INSL6: variants seen among roughly 807,000 people sequenced by gnomAD.
INSL6 encodes insulin-like peptide INSL6.
Under a neutral mutation model 9.4 loss-of-function variants are expected in INSL6, and 16 were observed. The ratio of observed to expected loss-of-function variants is 1.70; its 90% CI spans 1.15 to 2.59. INSL6 has a LOEUF of 2.59. Among genes scored for constraint, INSL6 ranks in the 30% most tolerant of loss-of-function variants. The probability of loss-of-function intolerance (pLI) is 0.00; values close to 1 mark genes in which losing one functional copy is unlikely to be tolerated. For synonymous variants in INSL6, 154 were observed against 96.9 expected (o/e 1.59, Z -3.46); for missense variants, 391 against 257.3 (o/e 1.52, Z -3.56).
chr9:5,037,934 T>C, the INSL6 span, among the ~76,000 whole-genome samples: 1 of 152,240 alleles, frequency 6.6e-6, no homozygotes, highest in African/African-American at 2.4e-5. Flanking sequence ...CTTGTAAGTA[T>C]GAAATTTAAA....
chr9:5,024,070 T>C, the INSL6 span, among the ~76,000 whole-genome samples: 5 of 151,998 alleles, frequency 3.3e-5, no homozygotes, highest in South Asian at 1.0e-3. Flanking sequence ...TCCTGGCTAA[T>C]ATGGTGAAAC....
At chr9:5,055,142 G>A in the INSL6 span, among the ~76,000 whole-genome samples, 5 of 151,902 alleles carry the variant, frequency 3.3e-5, no homozygotes, top group Non-Finnish European at 2.9e-5. Flanking sequence ...AATTCTAAAA[G>A]TGATTTTAAA....
At chr9:5,123,539 T>C (rs1051805844), downstream of INSL6, among the ~76,000 whole-genome samples, 1 of 151,994 alleles carries the variant, frequency 6.6e-6, no homozygotes, top group Non-Finnish European at 1.5e-5. Flanking sequence ...ATTTTCTTTA[T>C]CCAGTCATCC....
intron 2 of INSL6, among the ~76,000 whole-genome samples, chr9:5,154,118 A>G (rs912102350): frequency 4.0e-5 from 6 of 151,806 alleles, no homozygotes; most frequent in African/African-American, 1.5e-4. Flanking sequence ...GTGGTACCAA[A>G]ACAGAGATAC....
At chr9:5,112,131 C>G in the INSL6 span, 227 of 315,622 alleles carry the variant, frequency 7.2e-4, no homozygotes, top group Non-Finnish European at 1.3e-3. Context: ...GCAGCCACGC[C>G]ATGGGCACGG....
At chr9:5,179,179 A>G (rs762094017) in intron 1 of INSL6, among the ~76,000 whole-genome samples, 1 of 152,138 alleles carries the variant, frequency 6.6e-6, no homozygotes, top group Non-Finnish European at 1.5e-5. Context: ...GAAAAAAACA[A>G]CCCCATTAAA....
At chr9:5,027,316 T>C in the INSL6 span, among the ~76,000 whole-genome samples, 3 of 152,228 alleles carry the variant, frequency 2.0e-5, no homozygotes, top group Non-Finnish European at 4.4e-5. Flanking sequence ...AAAAGTTATG[T>C]TTAAATTATT....
At chr9:5,096,756 A>G in the INSL6 span, 2 of 152,106 alleles carry the variant, frequency 1.3e-5, no homozygotes, top group African/African-American at 4.8e-5. Flanking sequence ...GATAGTGGGT[A>G]CCTCCTTAAG....
chr9:5,178,885 T>G (rs933900320), intron 1 of INSL6, among the ~76,000 whole-genome samples: 3 of 152,044 alleles, frequency 2.0e-5, no homozygotes, highest in Non-Finnish European at 4.4e-5. Context: ...AAGACTTATG[T>G]AAAACCCAAA....
At chr9:5,079,828 A>T in the INSL6 span, among the ~76,000 whole-genome samples, 35,128 of 149,394 alleles carry the variant, frequency 0.24, 4,397 homozygotes, top group South Asian at 0.31. Context: ...CAAAAAAAAA[A>T]TTTTTTTTTT....
downstream of INSL6, chr9:5,122,965 C>G (rs2130852878): frequency 7.7e-7 from 1 of 1,301,026 alleles, no homozygotes; most frequent in Middle Eastern, 1.9e-4. Context: ...GTCCACATAT[C>G]AAGTAACTGT....
intron 2 of INSL6, among the ~76,000 whole-genome samples, chr9:5,151,552 C>T (rs1026411887): frequency 1.3e-5 from 2 of 152,038 alleles, no homozygotes; most frequent in Non-Finnish European, 2.9e-5. Flanking sequence ...TTGTAAAGGT[C>T]TTAAACTGCC....
intron 3 of INSL6, chr9:5,126,476 C>G: frequency 7.0e-7 from 1 of 1,423,620 alleles, no homozygotes; most frequent in Middle Eastern, 1.8e-4. Context: ...CCAGGGTAGT[C>G]ATGCATTTTC....
intron 1 of INSL6, among the ~76,000 whole-genome samples, chr9:5,176,124 AACC>A (rs1375375574): frequency 6.6e-6 from 1 of 152,114 alleles, no homozygotes; most frequent in African/African-American, 2.4e-5. Flanking sequence ...TCTCTGCTCC[AACC>A]ACATTTGGAC....
At chr9:5,016,007 G>A in the INSL6 span, among the ~76,000 whole-genome samples, 1 of 152,340 alleles carries the variant, frequency 6.6e-6, no homozygotes, top group East Asian at 1.9e-4. Flanking sequence ...TGGGTTTCCT[G>A]TACAGAAGTA....
At chr9:5,051,288 A>G in the INSL6 span, among the ~76,000 whole-genome samples, 1 of 152,158 alleles carries the variant, frequency 6.6e-6, no homozygotes, top group Non-Finnish European at 1.5e-5. Flanking sequence ...ATTTATTCTG[A>G]GAAGGCTAGG....
At chr9:5,007,785 T>C in the INSL6 span, among the ~76,000 whole-genome samples, 3 of 151,912 alleles carry the variant, frequency 2.0e-5, no homozygotes, top group African/African-American at 7.3e-5. Flanking sequence ...AGTGGTGTGA[T>C]ATCTGAGCCT....
the INSL6 span, chr9:5,089,836 A>C: frequency 6.3e-7 from 1 of 1,582,976 alleles, no homozygotes; most frequent in South Asian, 1.2e-5. Flanking sequence ...CAACATTGTA[A>C]AGTACAAGGG....
the INSL6 span, among the ~76,000 whole-genome samples, chr9:5,014,206 G>A: frequency 1.9e-5 from 2 of 107,414 alleles, no homozygotes; most frequent in South Asian, 3.1e-4. Flanking sequence ...TTCTCACTAT[G>A]TTGCCCAGGC....
Sources: gnomAD v4.1 joint callset for allele counts (sites outside exome capture counted in the v4.1 genomes callset) on GRCh38, gnomAD v4.1.1 for gene constraint, MANE v1.5 for transcripts, NCBI Gene and HGNC (gene_info 2026-07-23, HGNC 2026-07-21) for gene names.